ABCC9: variants seen among roughly 807,000 people sequenced by gnomAD.
ABCC9 encodes ATP binding cassette subfamily C member 9, also known as ATP-binding cassette sub-family C member 9.
ABCC9 carries 95 observed loss-of-function variants against 188.3 expected under a neutral mutation model. The ratio of observed to expected loss-of-function variants is 0.50; its 90% CI spans 0.43 to 0.60. The LOEUF is 0.60. ABCC9 is among the 20% of genes least tolerant of loss of function. The probability of loss-of-function intolerance (pLI) is 0.00; values close to 1 mark genes in which losing one functional copy is unlikely to be tolerated. For synonymous variants in ABCC9, 659 were observed against 652.7 expected (o/e 1.01, Z -0.15); for missense variants, 1,102 against 1,876.3 (o/e 0.59, Z 7.62).
At chr12:21,829,509 A>G (rs12370561) in intron 30 of ABCC9, among the ~76,000 whole-genome samples, 7,968 of 152,250 alleles carry the variant, frequency 0.052, 352 homozygotes, top group East Asian at 0.11. Flanking sequence ...CCCAGTAAAT[A>G]GACTTCTACT....
At chr12:21,928,806 G>A (rs1949154251) in intron 4 of ABCC9, among the ~76,000 whole-genome samples, 1 of 152,100 alleles carries the variant, frequency 6.6e-6, no homozygotes, top group Admixed American at 6.5e-5. Flanking sequence ...TAGGATTGCT[G>A]TTATTTTGTT....
intron 39 of ABCC9, among the ~76,000 whole-genome samples, chr12:21,805,682 T>A (rs1267899019): frequency 6.6e-6 from 1 of 152,144 alleles, no homozygotes; most frequent in Non-Finnish European, 1.5e-5. Context: ...ACCATCAGAT[T>A]ATAGAAAAGA....
At chr12:21,843,814 T>G (rs186243050) in intron 28 of ABCC9, among the ~76,000 whole-genome samples, 222 of 152,318 alleles carry the variant, frequency 1.5e-3, no homozygotes, top group South Asian at 0.014. Context: ...TGCAGTCAGC[T>G]GCATGCATCA....
chr12:21,887,958 A>G, intron 14 of ABCC9, 24 bp from the exon 15 acceptor site: 1 of 1,551,834 alleles, frequency 6.4e-7, no homozygotes, highest in Non-Finnish European at 8.9e-7. Flanking sequence ...TAAACACAGA[A>G]TAAGAGTTAA....
chr12:21,814,964 C>G (rs1363993823), intron 34 of ABCC9, among the ~76,000 whole-genome samples: 2 of 152,104 alleles, frequency 1.3e-5, no homozygotes, highest in Non-Finnish European at 2.9e-5. Flanking sequence ...GGGTAGGTCA[C>G]TTGAGGCCAG....
chr12:21,848,356 G>A (rs574033389), intron 24 of ABCC9, 110 bp from the exon 25 acceptor site: 97 of 918,826 alleles, frequency 1.1e-4, no homozygotes, highest in African/African-American at 1.0e-3. Flanking sequence ...AATCTCAAGC[G>A]CTCTGTGCTC....
At chr12:21,844,949 A>C (rs1049791933) in intron 26 of ABCC9, 34 bp from the exon 27 acceptor site, 1 of 1,611,070 alleles carries the variant, frequency 6.2e-7, no homozygotes, top group African/African-American at 1.3e-5. Context: ...GCACATAGGA[A>C]ATTATCAATG....
At chr12:21,853,586 T>C (rs1945076887) in intron 22 of ABCC9, among the ~76,000 whole-genome samples, 1 of 152,118 alleles carries the variant, frequency 6.6e-6, no homozygotes, top group Admixed American at 6.6e-5. Flanking sequence ...GAACTCACAT[T>C]AATTGTCTTT....
chr12:21,936,828 ACT>A, intron 2 of ABCC9, 134 bp from the exon 3 acceptor site: 2 of 648,132 alleles, frequency 3.1e-6, no homozygotes, highest in Non-Finnish European at 5.1e-6. Flanking sequence ...GAAATAAGAA[ACT>A]CTGTGCCAAA....
intron 29 of ABCC9, among the ~76,000 whole-genome samples, chr12:21,838,498 C>T (rs1187281812): frequency 1.3e-5 from 2 of 152,112 alleles, no homozygotes; most frequent in African/African-American, 2.4e-5. Context: ...TTTCCTTAAG[C>T]GGGTAGAATT....
rs1944536410 is a variant in ABCC9, at chr12:21,844,536, G to A, written c.3262C>T (p.Pro1088Ser). The part of the protein sequence containing the change: ...LGPIRFFDTT[P>S]LGLILNRFSA... ...AAGCGATTGAGAATCAGTCCCAGGG[G>A]TGTGGTATCAAAAAACCTAGGCAAT... Residue 1088 changes from proline (P) to serine (S), a missense_variant, in exon 28 of 40, where the codon CCC becomes TCC. By Grantham distance (74) the Pro-to-Ser change is moderately conservative. Coordinates refer to ENST00000261200, the MANE Select transcript of ABCC9 (RefSeq NM_020297.4). 1 of 1,613,634 alleles carries A rather than the reference G, an allele frequency of 6.2e-7. No homozygotes were observed. The highest frequency in any genetic ancestry group is 2.2e-5 in the East Asian group (1 of 44,842).
At chr12:21,901,300 G>A (rs1373771881) in intron 12 of ABCC9, among the ~76,000 whole-genome samples, 1 of 152,140 alleles carries the variant, frequency 6.6e-6, no homozygotes, top group Non-Finnish European at 1.5e-5. Flanking sequence ...AGCTCCTGAA[G>A]GAAGCAATAA....
chr12:21,834,433 C>T (rs1283980945), intron 30 of ABCC9, among the ~76,000 whole-genome samples: 1 of 152,106 alleles, frequency 6.6e-6, no homozygotes, highest in Non-Finnish European at 1.5e-5. Context: ...ATGCATCAAA[C>T]ACAGGTAGAG....
intron 31 of ABCC9, among the ~76,000 whole-genome samples, chr12:21,820,672 T>C (rs1942986228): frequency 6.6e-6 from 1 of 152,072 alleles, no homozygotes; most frequent in Non-Finnish European, 1.5e-5. Flanking sequence ...TTCTTGGGAA[T>C]ACATCAACTT....
chr12:21,935,172 G>A (rs575838556), intron 3 of ABCC9, among the ~76,000 whole-genome samples: 8 of 152,154 alleles, frequency 5.3e-5, no homozygotes, highest in Non-Finnish European at 8.8e-5. Context: ...CCCTGTTCTT[G>A]CTCTCAAAAA....
intron 31 of ABCC9, among the ~76,000 whole-genome samples, chr12:21,826,540 G>A (rs1020254906): frequency 9.2e-5 from 14 of 152,306 alleles, no homozygotes; most frequent in African/African-American, 3.1e-4. Flanking sequence ...TGTGGCATAT[G>A]TTCTTGGATT....
At chr12:21,898,765 A>T (rs535444217) in intron 12 of ABCC9, among the ~76,000 whole-genome samples, 3 of 152,338 alleles carry the variant, frequency 2.0e-5, no homozygotes, top group African/African-American at 7.2e-5. Flanking sequence ...CCTGTTATTC[A>T]TGAGAATACT....
At chr12:21,876,825 C>T (rs182833762) in intron 16 of ABCC9, among the ~76,000 whole-genome samples, 3 of 152,324 alleles carry the variant, frequency 2.0e-5, no homozygotes, top group Non-Finnish European at 2.9e-5. Context: ...AGGAATTTTG[C>T]AGAATGGATT....
At chr12:21,864,997 C>T (rs566620696) in intron 18 of ABCC9, among the ~76,000 whole-genome samples, 1 of 152,182 alleles carries the variant, frequency 6.6e-6, no homozygotes, top group East Asian at 1.9e-4. Flanking sequence ...GCACCAGAAA[C>T]CAAACTACAT....
Sources: gnomAD v4.1 joint callset for allele counts (sites outside exome capture counted in the v4.1 genomes callset) on GRCh38, gnomAD v4.1.1 for gene constraint, MANE v1.5 for transcripts, NCBI Gene and HGNC (gene_info 2026-07-23, HGNC 2026-07-21) for gene names.